The following NWD1 variants were observed in gnomAD, a reference collection of about 807,000 sequenced individuals.
The protein encoded by NWD1 is NACHT domain- and WD repeat-containing protein 1.
A neutral mutation model predicts 135.1 loss-of-function variants in NWD1; 129 were observed. That is an observed-to-expected ratio of 0.96 (90% CI 0.83 to 1.11). The LOEUF (loss-of-function observed/expected upper bound fraction) is 1.11, where lower values mean the gene tolerates loss of function less well. Ranked by LOEUF, NWD1 falls within the 50% of genes least tolerant of loss-of-function variation. The probability of loss-of-function intolerance (pLI) is 0.00; values close to 1 mark genes in which losing one functional copy is unlikely to be tolerated. For missense variants in NWD1, 1,740 were observed against 1,851.3 expected, an observed-to-expected ratio of 0.94 and a Z score of 1.10; for synonymous variants, 773 against 786.0, an observed-to-expected ratio of 0.98 and a Z score of 0.28.
chr19:16,769,503 A>G (rs1272592040), intron 10 of NWD1, among the ~76,000 whole-genome samples: 1 of 151,788 alleles, frequency 6.6e-6, no homozygotes, highest in Non-Finnish European at 1.5e-5. Flanking sequence ...TCTCTATTGA[A>G]TCTTCTAGAT....
rs1288762137 is a variant in NWD1 at position 16,817,404 on chromosome 19, C to A, written c.*2365C>A. On this transcript the variant is annotated 3_prime_UTR_variant, in exon 19 of 19. Transcript: ENST00000524140. ...TCACTTGAGGCCAGGTGTTCAAGAGCAGCCTGGTCAACATGGTGAAACTCT... is the reference window on the plus strand; with the variant it reads ...TCACTTGAGGCCAGGTGTTCAAGAGAAGCCTGGTCAACATGGTGAAACTCT... The A allele has an allele frequency of 6.6e-6, 1 of 151,940 alleles. No homozygotes were observed. Among genetic ancestry groups the A allele is most frequent in the African/African-American group, 2.4e-5 (1 of 41,344 alleles). The allele number at this position is 151,940 out of a possible 1,614,324, so 9.4% of individuals were successfully genotyped here.
rs529124723 is a variant in NWD1, at chr19:16,745,705, A to G, written c.496+987A>G. Among the ~76,000 whole-genome samples the G allele has an allele frequency of 1.2e-4, 19 of 152,144 alleles. 1 individual carries two copies. In the South Asian group the frequency reaches 3.9e-3, roughly 32 times the overall value. ...TGGTAAGCCAAGATCATGCCACTGC[A>G]CTCCAGCCGGGGTTACAGAGAGAGA... On this transcript the variant is annotated intron_variant, in intron 5 of 18. Coordinates refer to ENST00000524140, the MANE Select transcript of NWD1 (RefSeq NM_001007525.5).
Position 16,773,268 on chromosome 19 carries a change from A to C in NWD1, c.2553A>C (p.Gly851=). The C allele has an allele frequency of 6.2e-7, 1 of 1,613,420 alleles. No individual in the cohort carries two copies. The highest frequency in any genetic ancestry group is 8.5e-7 in the Non-Finnish European group (1 of 1,179,986). ...ACCCTGTGCTGGTGCCCCTCGGAGG[A>C]TTCCTCCAGCCCCCGGGAGGACCCC... ...CAHPVLVPLG[G]FLQPPGGPLR... is the part of the protein sequence containing the mutation. Residue 851 remains glycine, a synonymous_variant, in exon 11 of 19, where the codon GGA becomes GGC. Transcript: ENST00000524140.
At chr19:16,778,281 C>T (rs1200109671) in intron 11 of NWD1, among the ~76,000 whole-genome samples, 1 of 152,088 alleles carries the variant, frequency 6.6e-6, no homozygotes, top group Non-Finnish European at 1.5e-5. Context: ...TGGCCCTTCT[C>T]TCTCTGCAGT....
intron 5 of NWD1, among the ~76,000 whole-genome samples, chr19:16,747,450 C>T (rs1305458254): frequency 6.6e-6 from 1 of 152,012 alleles, no homozygotes; most frequent in Non-Finnish European, 1.5e-5. Flanking sequence ...GATCACGGCT[C>T]AGTGTGGCCT....
intron 10 of NWD1, among the ~76,000 whole-genome samples, chr19:16,770,867 T>A (rs1969390134): frequency 1.3e-5 from 2 of 152,190 alleles, no homozygotes; most frequent in South Asian, 4.1e-4. Context: ...TGTCCAGAAC[T>A]CCACCCAATG....
Position 16,749,422 on chromosome 19 carries a change from C to T in NWD1, c.780C>T (p.Cys260=). ...LVNPKNKTHA[C]YLKELGEQFV... is the part of the protein sequence containing the mutation. ...ACCCCAAGAACAAGACTCACGCCTG[C>T]TACCTGAAGGAGCTGGGTGAGCAGT... is the stretch of plus-strand genomic sequence containing the variant. The change falls in exon 6 of 19, where the codon TGC becomes TGT. Residue 260 remains cysteine, a synonymous_variant. Transcript: ENST00000524140. 1 of 1,613,952 alleles carries T rather than the reference C, an allele frequency of 6.2e-7. No homozygotes were observed. The highest frequency in any genetic ancestry group is 8.5e-7 in the Non-Finnish European group (1 of 1,179,880).
intron 16 of NWD1, 26 bp from the exon 17 acceptor site, chr19:16,799,860 T>G: frequency 6.4e-7 from 1 of 1,565,346 alleles, no homozygotes; most frequent in Non-Finnish European, 8.7e-7. Flanking sequence ...AGATGTCAGA[T>G]CTGCCCTCCT....
chr19:16,750,302 C>T lies in NWD1; in HGVS notation c.1660C>T (p.Pro554Ser). ...ATGGGCCTCTTTCACCGTGCCTGTC[C>T]CGCTGGCCACCACCGCAGAGGAAGC... ...RKWASFTVPV[P>S]LATTAEEATH... Residue 554 changes from proline to serine, a missense_variant, in exon 6 of 19, where the codon CCG becomes TCG. Physicochemically the swap from Pro to Ser is moderately conservative, Grantham distance 74. Transcript: ENST00000524140. 1.2e-6 allele frequency: 2 copies of T among 1,613,578 alleles called. No individual in the cohort carries two copies. Among genetic ancestry groups the T allele is most frequent in the Non-Finnish European group, 1.7e-6 (2 of 1,179,950 alleles).
At chr19:16,792,151 G>C (rs984176325) in intron 14 of NWD1, among the ~76,000 whole-genome samples, 1 of 152,174 alleles carries the variant, frequency 6.6e-6, no homozygotes, top group Non-Finnish European at 1.5e-5. Flanking sequence ...ACATGGTGTG[G>C]AATGAGGTTG....
intron 16 of NWD1, among the ~76,000 whole-genome samples, chr19:16,799,611 A>G (rs1372222149): frequency 1.3e-5 from 2 of 151,972 alleles, no homozygotes; most frequent in African/African-American, 4.8e-5. Flanking sequence ...GGTTCAAGCG[A>G]TTCTCCTGCC....
At chr19:16,739,190 G>GA (rs34576758) in intron 4 of NWD1, among the ~76,000 whole-genome samples, 97,912 of 144,266 alleles carry the variant, frequency 0.68, 34,268 homozygotes, top group African/African-American at 0.82. Flanking sequence ...GAGTTTCCAA[G>GA]AAAAAAAAAA....
At chr19:16,733,786 G>A (rs1012788739) in intron 3 of NWD1, among the ~76,000 whole-genome samples, 9 of 134,242 alleles carry the variant, frequency 6.7e-5, no homozygotes, top group African/African-American at 2.9e-4. Context: ...TCCTCCACAC[G>A]CACATCGGGA....
rs763566625 is a variant in NWD1 at position 16,779,408 on chromosome 19, ATG to A, written c.2675_2676del (p.Met892SerfsTer66). The A allele has an allele frequency of 6.0e-5, 97 of 1,613,100 alleles. No individual in the cohort carries two copies. Among genetic ancestry groups the A allele is most frequent in the Non-Finnish European group, 7.6e-5 (90 of 1,179,400 alleles). On this transcript the variant is annotated frameshift_variant, in exon 12 of 19. Coordinates refer to ENST00000524140, the MANE Select transcript of NWD1 (RefSeq NM_001007525.5). LOFTEE classifies it high-confidence loss of function. ...LLVIGTQDGI[M>X]AVWDMEEQHV... ...GGTGATTGGCACCCAGGATGGCATCATGGCTGTGTGGGACATGGAAGAGCAGC... is the reference window on the plus strand; with the variant it reads ...GGTGATTGGCACCCAGGATGGCATCAGCTGTGTGGGACATGGAAGAGCAGC...
At chr19:16,765,635 G>A (rs528374751) in intron 10 of NWD1, among the ~76,000 whole-genome samples, 1 of 152,218 alleles carries the variant, frequency 6.6e-6, no homozygotes, top group South Asian at 2.1e-4. Flanking sequence ...ATGGCGCCTG[G>A]CCTAGAATTT....
Position 16,795,395 on chromosome 19 carries a change from T to A in NWD1, c.3304+842T>A, listed in dbSNP as rs147217509. 4.5e-3 allele frequency among the ~76,000 whole-genome samples: 668 copies of A among 149,454 alleles called. 3 individuals are homozygous for A. Among genetic ancestry groups the A allele is most frequent in the African/African-American group, 0.016 (633 of 40,650 alleles). ...CACGACCCTGAAGCCCCAGAGGGGG[T>A]GTTACAGTGTGCTAATTACCTTTTT... is the stretch of plus-strand genomic sequence containing the variant. On this transcript the variant is annotated intron_variant, in intron 15 of 18. Coordinates refer to ENST00000524140, the MANE Select transcript of NWD1 (RefSeq NM_001007525.5).
At chr19:16,738,686 G>A (rs1229477458) in intron 4 of NWD1, among the ~76,000 whole-genome samples, 1 of 145,092 alleles carries the variant, frequency 6.9e-6, no homozygotes, top group Non-Finnish European at 1.5e-5. Flanking sequence ...AAGGGCTTTG[G>A]GAATTATGAG....
chr19:16,799,564 T>G (rs1182132693), intron 16 of NWD1, among the ~76,000 whole-genome samples: 2 of 152,062 alleles, frequency 1.3e-5, no homozygotes, highest in African/African-American at 4.8e-5. Flanking sequence ...TTGCGTGCAA[T>G]GGCACGATCT....
At chr19:16,780,011 T>C (rs1969799790) in intron 12 of NWD1, among the ~76,000 whole-genome samples, 4 of 152,136 alleles carry the variant, frequency 2.6e-5, no homozygotes, top group African/African-American at 9.7e-5. Context: ...CAGCTGGGCT[T>C]GCTCATGTAT....
Sources: gnomAD v4.1 joint callset for allele counts (sites outside exome capture counted in the v4.1 genomes callset) on GRCh38, gnomAD v4.1.1 for gene constraint, MANE v1.5 for transcripts, NCBI Gene and HGNC (gene_info 2026-07-23, HGNC 2026-07-21) for gene names.